SSH1: variants seen among roughly 807,000 people sequenced by gnomAD.
SSH1 encodes slingshot protein phosphatase 1.
Under a neutral mutation model 79.7 loss-of-function variants are expected in SSH1, and 43 were observed. The ratio of observed to expected loss-of-function variants is 0.54; its 90% CI spans 0.42 to 0.70. The LOEUF is 0.70. SSH1 is among the 30% of genes least tolerant of loss of function. The pLI is 0.00. For missense variants in SSH1, 1,206 were observed against 1,358.8 expected (o/e 0.89, Z 1.77); for synonymous variants, 599 against 538.3 (o/e 1.11, Z -1.56).
chr12:108,848,461 C>T (rs1266932402), intron 2 of SSH1, among the ~76,000 whole-genome samples: 1 of 152,286 alleles, frequency 6.6e-6, no homozygotes, highest in East Asian at 1.9e-4. Flanking sequence ...GATGGCAGCT[C>T]ACCTTCAGGA....
In SSH1 at chr12:108,817,432, G is replaced by A. The variant is rs569729923; in HGVS notation, c.280-273C>T. 8 of 392,114 alleles carry A rather than the reference G, an allele frequency of 2.0e-5. No individual in the cohort carries two copies. In the East Asian group the frequency reaches 4.4e-4, roughly 21 times the overall value. 24.3% of individuals were successfully genotyped at this position (392,114 alleles called of 1,614,324 possible). Reference sequence around the variant, plus strand: ...CTTACTAAAAATACAAAAATTAGCTGGGCATGGTGGCGTGCGCCTGTAATC... The same window carrying A: ...CTTACTAAAAATACAAAAATTAGCTAGGCATGGTGGCGTGCGCCTGTAATC... On this transcript the variant is annotated intron_variant, in intron 4 of 14. Coordinates refer to ENST00000326495, the MANE Select transcript of SSH1 (RefSeq NM_018984.4).
At chr12:108,815,542 C>G (rs559973180) in intron 5 of SSH1, among the ~76,000 whole-genome samples, 4 of 152,364 alleles carry the variant, frequency 2.6e-5, no homozygotes, top group African/African-American at 9.6e-5. Flanking sequence ...ATTACAACCG[C>G]AAGACGGTCA....
intron 2 of SSH1, among the ~76,000 whole-genome samples, chr12:108,829,138 G>T (rs1171563069): frequency 2.6e-5 from 4 of 152,092 alleles, no homozygotes; most frequent in African/African-American, 9.7e-5. Flanking sequence ...GACTAGCATG[G>T]TCAACATGGC....
At position 108,779,628 on chromosome 12, in the gene SSH1, A is replaced by G. The variant is rs914672920; in HGVS notation, c.*8360T>C. ...TAATAGAAGGATCCCAAGGTAGTCC[A>G]AAGAGTTCAAGAAAGTTAGAAAAAG... On this transcript the variant is annotated 3_prime_UTR_variant, in exon 15 of 15. Coordinates refer to ENST00000326495, the MANE Select transcript of SSH1 (RefSeq NM_018984.4). 6.6e-6 allele frequency: 1 copy of G among 152,182 alleles called. No homozygotes were observed. The highest frequency in any genetic ancestry group is 2.4e-5 in the African/African-American group (1 of 41,448). 9.4% of individuals were successfully genotyped at this position (152,182 alleles called of 1,614,324 possible).
chr12:108,794,835 A>C (rs2036672548), intron 13 of SSH1, among the ~76,000 whole-genome samples: 1 of 143,248 alleles, frequency 7.0e-6, no homozygotes, highest in Admixed American at 6.9e-5. Context: ...GGCAATGTAA[A>C]TTGCCCACTA....
intron 2 of SSH1, among the ~76,000 whole-genome samples, chr12:108,851,650 T>C (rs968731515): frequency 6.6e-6 from 1 of 152,178 alleles, no homozygotes; most frequent in Non-Finnish European, 1.5e-5. Context: ...ACAAAAATGT[T>C]TTTGGTGTCC....
At chr12:108,856,392 A>G (rs2039143636) in intron 1 of SSH1, among the ~76,000 whole-genome samples, 1 of 152,246 alleles carries the variant, frequency 6.6e-6, no homozygotes, top group Admixed American at 6.5e-5. Flanking sequence ...GGCCAGGCAA[A>G]CGGACCTGGG....
At chr12:108,852,121 C>A (rs181750172) in intron 2 of SSH1, among the ~76,000 whole-genome samples, 295 of 151,950 alleles carry the variant, frequency 1.9e-3, no homozygotes, top group African/African-American at 6.9e-3. Context: ...TATTTTCCTT[C>A]TTTTCCAAGC....
chr12:108,846,176 GAA>G (rs778819357), intron 2 of SSH1, among the ~76,000 whole-genome samples: 2 of 152,162 alleles, frequency 1.3e-5, no homozygotes, highest in Non-Finnish European at 2.9e-5. Context: ...AAATAAAACA[GAA>G]GAGACAAAAT....
At chr12:108,809,870 T>G in intron 6 of SSH1, 112 bp from the exon 7 acceptor site, 1 of 888,584 alleles carries the variant, frequency 1.1e-6, no homozygotes, top group Non-Finnish European at 1.9e-6. Context: ...AACAAGCACA[T>G]CTCAGGCCAC....
At chr12:108,793,049 G>A (rs2036582151) in intron 13 of SSH1, among the ~76,000 whole-genome samples, 1 of 152,230 alleles carries the variant, frequency 6.6e-6, no homozygotes, top group South Asian at 2.1e-4. Flanking sequence ...CGCACAGGAA[G>A]CCTGATGTGA....
At chr12:108,800,434 C>T (rs1422974830) in intron 12 of SSH1, among the ~76,000 whole-genome samples, 1 of 152,076 alleles carries the variant, frequency 6.6e-6, no homozygotes, top group African/African-American at 2.4e-5. Flanking sequence ...GGGGTGGGGC[C>T]CCTGAGTGTC....
Position 108,852,624 on chromosome 12 carries a change from G to T in SSH1, c.110+14C>A. 6 of 1,613,948 alleles carry T rather than the reference G, an allele frequency of 3.7e-6. No individual in the cohort carries two copies. The highest frequency in any genetic ancestry group is 5.1e-6 in the Non-Finnish European group (6 of 1,179,864). On this transcript the variant is annotated intron_variant, in intron 2 of 14. Coordinates refer to ENST00000326495, the MANE Select transcript of SSH1 (RefSeq NM_018984.4). ...GGAGAAAGACTTAGGAACAAGAATT[G>T]AAAGTCTGCTTACCTGAGGTTTAAT...
rs185613838 is a variant in SSH1, at chr12:108,833,525, G to C, written c.111-10164C>G. On this transcript the variant is annotated intron_variant, in intron 2 of 14. Transcript: ENST00000326495. ...CCCCATACCACAGTCATTTGTCACC[G>C]AGTCCTAACTTTGTCAGAGGCCCCT... 1.2e-3 allele frequency among the ~76,000 whole-genome samples: 189 copies of C among 152,264 alleles called. 1 individual carries two copies. Among genetic ancestry groups the C allele is most frequent in the African/African-American group, 4.4e-3 (182 of 41,552 alleles).
intron 4 of SSH1, chr12:108,817,444 G>A (rs1035279590): frequency 1.1e-4 from 43 of 375,890 alleles, no homozygotes; most frequent in African/African-American, 4.2e-4. Flanking sequence ...GCATGGTGGC[G>A]TGCGCCTGTA....
intron 2 of SSH1, among the ~76,000 whole-genome samples, chr12:108,844,824 TCAGGC>T (rs899473728): frequency 4.6e-5 from 7 of 152,060 alleles, no homozygotes; most frequent in African/African-American, 1.7e-4. Flanking sequence ...GAAAATGAAT[TCAGGC>T]CAGGCGTGGT....
At position 108,783,431 on chromosome 12, in the gene SSH1, C is replaced by T. The variant is rs755769459; in HGVS notation, c.*4557G>A. 1 of 152,202 alleles carries T rather than the reference C, an allele frequency of 6.6e-6. No individual in the cohort carries two copies. The highest frequency in any genetic ancestry group is 1.5e-5 in the Non-Finnish European group (1 of 68,046). The allele number at this position is 152,202 out of a possible 1,614,324, so 9.4% of individuals were successfully genotyped here. On this transcript the variant is annotated 3_prime_UTR_variant, in exon 15 of 15. Coordinates refer to ENST00000326495, the MANE Select transcript of SSH1 (RefSeq NM_018984.4). ...TAGTATTTGTAAACTATTATTAAGG[C>T]ACTCAATTGTAAAACAATAATTACA...
chr12:108,852,516 C>A, intron 2 of SSH1, 122 bp downstream of exon 2: 1 of 1,224,190 alleles, frequency 8.2e-7, no homozygotes, highest in Non-Finnish European at 1.2e-6. Flanking sequence ...AGGCGTGACC[C>A]ACCGCACCCA....
At chr12:108,806,988 G>A (rs975765266) in intron 8 of SSH1, among the ~76,000 whole-genome samples, 1 of 152,164 alleles carries the variant, frequency 6.6e-6, no homozygotes, top group African/African-American at 2.4e-5. Flanking sequence ...AACACACTGT[G>A]GTTTATCCAT....
Sources: allele counts gnomAD v4.1 joint callset (sites outside exome capture counted in the v4.1 genomes callset), GRCh38; gene constraint gnomAD v4.1.1; transcripts MANE v1.5; gene names NCBI Gene and HGNC (gene_info 2026-07-23, HGNC 2026-07-21).